The following ACSS3 variants were observed in gnomAD, a reference collection of about 807,000 sequenced individuals.
The protein encoded by ACSS3 is acyl-CoA synthetase short-chain family member 3, mitochondrial.
A neutral mutation model predicts 84.2 loss-of-function variants in ACSS3; 64 were observed. That is an observed-to-expected ratio of 0.76 (90% CI 0.62 to 0.94). ACSS3 has a LOEUF of 0.94. Ranked by LOEUF, ACSS3 falls within the 40% of genes least tolerant of loss-of-function variation. ACSS3 has a pLI of 0.00. For synonymous variants in ACSS3, 317 were observed against 310.1 expected, an observed-to-expected ratio of 1.02 and a Z score of -0.23; for missense variants, 815 against 867.6, an observed-to-expected ratio of 0.94 and a Z score of 0.76.
At chr12:81,154,268 A>G (rs543149168) in intron 7 of ACSS3, among the ~76,000 whole-genome samples, 3 of 152,330 alleles carry the variant, frequency 2.0e-5, no homozygotes, top group African/African-American at 7.2e-5. Context: ...AAGCTGCTTT[A>G]GAATTGAGAT....
chr12:81,221,713 T>C (rs2033116187), intron 11 of ACSS3, among the ~76,000 whole-genome samples: 1 of 152,122 alleles, frequency 6.6e-6, no homozygotes, highest in African/African-American at 2.4e-5. Context: ...GGTTCAAATT[T>C]GACCTGTTCA....
Position 81,078,380 on chromosome 12 carries a change from AC to A in ACSS3, c.261del (p.Tyr87Ter). On this transcript the variant is annotated frameshift_variant, in exon 1 of 16. Transcript: ENST00000548058. LOFTEE classifies it high-confidence loss of function. ...WGKAAEQISW[Y>X]KPWTKTLENK... ...AAAGCTGCCGAGCAGATCAGCTGGT[AC>A]AAGCCCTGGACCAAAACGCTGGAGA... is the stretch of plus-strand genomic sequence containing the variant. 6.2e-7 allele frequency: 1 copy of A among 1,612,628 alleles called. No homozygotes were observed. The highest frequency in any genetic ancestry group is 8.5e-7 in the Non-Finnish European group (1 of 1,179,954).
chr12:81,208,395 C>T (rs1342406365), intron 9 of ACSS3, among the ~76,000 whole-genome samples: 1 of 152,158 alleles, frequency 6.6e-6, no homozygotes, highest in Admixed American at 6.6e-5. Context: ...TCTTAACCCT[C>T]ATTCACATCT....
chr12:81,179,778 CAAAA>C (rs201290758), intron 8 of ACSS3, among the ~76,000 whole-genome samples: 3 of 73,504 alleles, frequency 4.1e-5, no homozygotes, highest in African/African-American at 1.2e-4. Context: ...GACTCCGTCT[CAAAA>C]AAAAAAAAAA....
chr12:81,105,425 A>G (rs1882902962), intron 1 of ACSS3, among the ~76,000 whole-genome samples: 1 of 152,226 alleles, frequency 6.6e-6, no homozygotes, highest in South Asian at 2.1e-4. Flanking sequence ...AGCAGAGAAA[A>G]AAAAGTAAAA....
At chr12:81,105,496 A>G (rs1280912478) in intron 1 of ACSS3, among the ~76,000 whole-genome samples, 6 of 152,222 alleles carry the variant, frequency 3.9e-5, no homozygotes, top group Non-Finnish European at 7.3e-5. Flanking sequence ...TTAGACATCT[A>G]GACTTGGGTT....
In ACSS3 at chr12:81,177,218, A is replaced by G. The variant is rs374035456; in HGVS notation, c.1250+2279A>G. Among the ~76,000 whole-genome samples, 25 of 152,340 alleles carry G rather than the reference A, an allele frequency of 1.6e-4. No homozygotes were observed. In the South Asian group the frequency reaches 2.7e-3, roughly 16 times the overall value. On this transcript the variant is annotated intron_variant, in intron 8 of 15. Coordinates refer to ENST00000548058, the MANE Select transcript of ACSS3 (RefSeq NM_024560.4). ...ACAGCCAACAATATACTGAACAGGG[A>G]AAAGCTGGATGGATTCCCTTTGTAA...
chr12:81,125,221 A>AC (rs1229259035), intron 2 of ACSS3, among the ~76,000 whole-genome samples: 3 of 151,990 alleles, frequency 2.0e-5, no homozygotes, highest in South Asian at 4.1e-4. Flanking sequence ...CTCAAAAAAA[A>AC]AAAACAAAAC....
At chr12:81,141,070 T>G (rs560814064) in intron 4 of ACSS3, among the ~76,000 whole-genome samples, 157 of 152,328 alleles carry the variant, frequency 1.0e-3, no homozygotes, top group Non-Finnish European at 1.9e-3. Context: ...TTTAATGATT[T>G]GTAACCAACA....
intron 12 of ACSS3, among the ~76,000 whole-genome samples, chr12:81,231,818 C>T (rs781511159): frequency 2.0e-5 from 3 of 151,704 alleles, no homozygotes; most frequent in Non-Finnish European, 4.4e-5. Context: ...TAATAAAGCA[C>T]ATCAGGTTCT....
At chr12:81,151,340 A>G (rs1845335982) in intron 5 of ACSS3, among the ~76,000 whole-genome samples, 1 of 152,202 alleles carries the variant, frequency 6.6e-6, no homozygotes, top group South Asian at 2.1e-4. Context: ...GTGTGCTTGC[A>G]TGATCCTCAG....
chr12:81,194,584 C>T (rs936182827), intron 8 of ACSS3, among the ~76,000 whole-genome samples: 3 of 151,870 alleles, frequency 2.0e-5, no homozygotes, highest in Non-Finnish European at 4.4e-5. Flanking sequence ...AGAGATGAAA[C>T]CACTTTTGTC....
At chr12:81,246,519 C>T (rs1384305141) in intron 13 of ACSS3, among the ~76,000 whole-genome samples, 1 of 152,126 alleles carries the variant, frequency 6.6e-6, no homozygotes, top group Non-Finnish European at 1.5e-5. Flanking sequence ...ACAAAATCCC[C>T]AAACTTCCAA....
chr12:81,111,808 C>T (rs1264722918), intron 2 of ACSS3, among the ~76,000 whole-genome samples: 3 of 152,278 alleles, frequency 2.0e-5, no homozygotes, highest in South Asian at 2.1e-4. Flanking sequence ...ATATCTTGTC[C>T]TCCTTTGATT....
chr12:81,112,557 G>C (rs75378516), intron 2 of ACSS3, among the ~76,000 whole-genome samples: 2,793 of 152,266 alleles, frequency 0.018, 50 homozygotes, highest in African/African-American at 0.043. Context: ...TAAAAGGACT[G>C]TTTCTCTCAC....
rs1021238414 is a variant in ACSS3 at position 81,199,720 on chromosome 12, C to T, written c.1354+276C>T. On this transcript the variant is annotated intron_variant, in intron 9 of 15. Transcript: ENST00000548058. ...TTTGTTTCTTATATCTGGTAAGTTA[C>T]TAAGTCTCAGATTTTCCTTTGAAGT... The T allele has an allele frequency of 5.6e-5, 75 of 1,336,982 alleles. No individual in the cohort carries two copies. The African/African-American group carries it at 1.0e-3, about 18-fold the overall frequency. The allele number at this position is 1,336,982 out of a possible 1,614,324, so 82.8% of individuals were successfully genotyped here.
At chr12:81,187,008 T>G (rs767302357) in intron 8 of ACSS3, among the ~76,000 whole-genome samples, 13 of 151,854 alleles carry the variant, frequency 8.6e-5, no homozygotes, top group Non-Finnish European at 1.5e-4. Flanking sequence ...ATATATGCAA[T>G]GGAATACCAT....
chr12:81,243,004 G>T (rs1261392226), intron 13 of ACSS3, among the ~76,000 whole-genome samples: 2 of 152,008 alleles, frequency 1.3e-5, no homozygotes, highest in East Asian at 3.9e-4. Flanking sequence ...GGAAGTTCTG[G>T]CTAGGGCAAT....
chr12:81,160,070 C>G (rs1052808216), intron 7 of ACSS3, among the ~76,000 whole-genome samples: 2 of 152,192 alleles, frequency 1.3e-5, no homozygotes, highest in Non-Finnish European at 2.9e-5. Context: ...GATTACTGTT[C>G]CTTGGCTAGA....
Sources: gnomAD v4.1 joint callset for allele counts (sites outside exome capture counted in the v4.1 genomes callset) on GRCh38, gnomAD v4.1.1 for gene constraint, MANE v1.5 for transcripts, NCBI Gene and HGNC (gene_info 2026-07-23, HGNC 2026-07-21) for gene names.